Variants in TCF12 observed in about 807,000 individuals in gnomAD.
The protein encoded by TCF12 is DNA-binding protein HTF4.
Under a neutral mutation model 86.0 loss-of-function variants are expected in TCF12, and 45 were observed. The observed-to-expected ratio is 0.52, with a 90% confidence interval of 0.41 to 0.67. The LOEUF (loss-of-function observed/expected upper bound fraction) is 0.67, where lower values mean the gene tolerates loss of function less well. Among genes scored for constraint, TCF12 ranks in the 30% least tolerant of loss-of-function variants. TCF12 has a pLI of 0.00. For synonymous variants in TCF12, 330 were observed against 299.6 expected, an observed-to-expected ratio of 1.10 and a Z score of -1.05; for missense variants, 881 against 859.9, an observed-to-expected ratio of 1.02 and a Z score of -0.31.
chr15:57,132,823 G>A (rs2052235807), intron 5 of TCF12, among the ~76,000 whole-genome samples: 1 of 152,182 alleles, frequency 6.6e-6, no homozygotes, highest in African/African-American at 2.4e-5. Flanking sequence ...CAAGAGCTCT[G>A]TGGATGCTAC....
At chr15:57,012,684 A>G (rs572622848) in intron 3 of TCF12, among the ~76,000 whole-genome samples, 40 of 152,254 alleles carry the variant, frequency 2.6e-4, no homozygotes, top group African/African-American at 9.4e-4. Context: ...CCTCAGCTGG[A>G]CTTCAATTTC....
chr15:57,234,002 G>C (rs764523842), intron 11 of TCF12, 41 bp from the exon 12 acceptor site: 2 of 1,542,414 alleles, frequency 1.3e-6, no homozygotes, highest in Non-Finnish European at 1.8e-6. Context: ...TATAATACTT[G>C]CTTGTAAAAT....
chr15:57,235,250 T>G (rs2059332472), intron 12 of TCF12, among the ~76,000 whole-genome samples: 1 of 152,226 alleles, frequency 6.6e-6, no homozygotes, highest in South Asian at 2.1e-4. Context: ...AATGCGCACC[T>G]ATACTGAGCA....
At chr15:57,264,373 G>A (rs1355826982) in intron 18 of TCF12, among the ~76,000 whole-genome samples, 1 of 151,100 alleles carries the variant, frequency 6.6e-6, no homozygotes, top group African/African-American at 2.4e-5. Flanking sequence ...GCTAATTTTT[G>A]TAGTTTTAGT....
Position 56,999,222 on chromosome 15 carries a change from C to T in TCF12, c.149-64528C>T, listed in dbSNP as rs189814766. ...CAAAAAAAAAAAAGGGAGGGGGGAG[C>T]GGGGAGAAACTAGTCAAAGAACAAA... is the stretch of plus-strand genomic sequence containing the variant. On this transcript the variant is annotated intron_variant, in intron 3 of 20. Coordinates refer to ENST00000333725, the MANE Select transcript of TCF12 (RefSeq NM_207037.2). Among the ~76,000 whole-genome samples, 145 of 149,752 alleles carry T rather than the reference C, an allele frequency of 9.7e-4. 1 individual carries two copies. The highest frequency in any genetic ancestry group is 9.3e-3 in the Admixed American group (139 of 15,012).
chr15:57,111,883 G>A (rs1401074297), intron 5 of TCF12, among the ~76,000 whole-genome samples: 2 of 152,090 alleles, frequency 1.3e-5, no homozygotes, highest in South Asian at 2.1e-4. Context: ...ATTAGCCACC[G>A]CACCTGGCTG....
At chr15:57,239,688 CATT>C (rs1420956656) in intron 12 of TCF12, among the ~76,000 whole-genome samples, 5 of 151,924 alleles carry the variant, frequency 3.3e-5, no homozygotes, top group African/African-American at 1.2e-4. Flanking sequence ...GTCCCAGAAA[CATT>C]AGAGAATTGT....
intron 3 of TCF12, among the ~76,000 whole-genome samples, chr15:57,012,500 C>T (rs1372714333): frequency 6.6e-6 from 1 of 152,156 alleles, no homozygotes; most frequent in Non-Finnish European, 1.5e-5. Flanking sequence ...GTGTGGCTCT[C>T]AGGAATTATT....
chr15:57,027,935 G>A (rs371586633), intron 3 of TCF12, among the ~76,000 whole-genome samples: 4 of 152,026 alleles, frequency 2.6e-5, no homozygotes, highest in South Asian at 2.1e-4. Flanking sequence ...CCCTAGGCAT[G>A]TGGAACTGTG....
intron 19 of TCF12, among the ~76,000 whole-genome samples, chr15:57,280,580 T>C (rs1057501785): frequency 6.6e-6 from 1 of 152,154 alleles, no homozygotes. Context: ...TTACCTACTT[T>C]AAAGGGGAAT....
At chr15:57,089,595 T>G (rs77637880) in intron 4 of TCF12, among the ~76,000 whole-genome samples, 3 of 152,102 alleles carry the variant, frequency 2.0e-5, no homozygotes, top group Non-Finnish European at 4.4e-5. Context: ...TTTTTTTTTT[T>G]TTTTTTTAAC....
intron 3 of TCF12, among the ~76,000 whole-genome samples, chr15:56,941,818 A>G (rs929838083): frequency 6.6e-6 from 1 of 151,990 alleles, no homozygotes; most frequent in Non-Finnish European, 1.5e-5. Flanking sequence ...CTCTAGGGCT[A>G]TATCAGTCTG....
chr15:57,282,212 C>A, intron 19 of TCF12: 1 of 540,932 alleles, frequency 1.8e-6, no homozygotes, highest in Non-Finnish European at 3.2e-6. Context: ...CAAATCAAAC[C>A]CTAGAAAACT....
chr15:57,243,166 TTTG>T (rs1356010795), intron 12 of TCF12, among the ~76,000 whole-genome samples: 10 of 152,250 alleles, frequency 6.6e-5, no homozygotes, highest in Non-Finnish European at 1.3e-4. Context: ...GATTGTCAGA[TTTG>T]TTAACTTTGT....
At chr15:57,125,164 C>G (rs1202535692) in intron 5 of TCF12, among the ~76,000 whole-genome samples, 23 of 152,090 alleles carry the variant, frequency 1.5e-4, no homozygotes, top group Non-Finnish European at 3.4e-4. Context: ...AGCAGCCTGA[C>G]CAGATCGTTA....
intron 5 of TCF12, among the ~76,000 whole-genome samples, chr15:57,112,249 C>T (rs1238008154): frequency 6.6e-6 from 1 of 152,162 alleles, no homozygotes; most frequent in African/African-American, 2.4e-5. Flanking sequence ...GCCCTGTGAC[C>T]TGATCTCACT....
chr15:57,264,555 C>T (rs1015931068), intron 18 of TCF12, among the ~76,000 whole-genome samples: 4 of 151,884 alleles, frequency 2.6e-5, no homozygotes, highest in African/African-American at 7.3e-5. Flanking sequence ...TGTTTGTTTA[C>T]TTTTCAAACT....
At chr15:57,273,001 A>C (rs76965356) in intron 18 of TCF12, 29 bp from the exon 19 acceptor site, 1 of 1,601,628 alleles carries the variant, frequency 6.2e-7, no homozygotes, top group Non-Finnish European at 8.5e-7. Flanking sequence ...AGGAAACCTA[A>C]TAGACCTTGT....
chr15:57,281,391 A>C (rs2061679240), intron 19 of TCF12, among the ~76,000 whole-genome samples: 1 of 152,206 alleles, frequency 6.6e-6, no homozygotes, highest in Middle Eastern at 3.2e-3. Context: ...GTAGAAAAGT[A>C]AGATGTGCTC....
Sources: allele counts gnomAD v4.1 joint callset (sites outside exome capture counted in the v4.1 genomes callset), GRCh38; gene constraint gnomAD v4.1.1; transcripts MANE v1.5; gene names NCBI Gene and HGNC (gene_info 2026-07-23, HGNC 2026-07-21).